Variants in SBF2 observed in about 807,000 individuals in gnomAD.
SBF2 encodes the protein myotubularin-related protein 13.
In SBF2, 112 loss-of-function variants were observed where a neutral mutation model predicts 225.2. The observed-to-expected ratio is 0.50, with a 90% CI of 0.43 to 0.58. SBF2 has a LOEUF of 0.58. Among genes scored for constraint, SBF2 ranks in the 20% least tolerant of loss-of-function variants. SBF2 has a pLI of 0.00. For missense variants in SBF2, 1,996 were observed against 2,206.2 expected, an observed-to-expected ratio of 0.90 and a Z score of 1.91; for synonymous variants, 763 against 773.3, an observed-to-expected ratio of 0.99 and a Z score of 0.22.
chr11:9,902,184 T>C (rs1590381387), intron 16 of SBF2, among the ~76,000 whole-genome samples: 2 of 152,146 alleles, frequency 1.3e-5, no homozygotes, highest in Admixed American at 6.6e-5. Flanking sequence ...TCTGACACTT[T>C]TATGGTCTAA....
chr11:9,845,006 CTTA>C (rs1856438108), intron 24 of SBF2, among the ~76,000 whole-genome samples: 2 of 152,026 alleles, frequency 1.3e-5, no homozygotes, highest in Admixed American at 1.3e-4. Flanking sequence ...AAAGGGACAT[CTTA>C]TATCTAACTC....
chr11:9,918,705 A>C (rs1184690473), intron 16 of SBF2, among the ~76,000 whole-genome samples: 3 of 150,134 alleles, frequency 2.0e-5, no homozygotes, highest in African/African-American at 7.4e-5. Flanking sequence ...GTTGTAGCTA[A>C]TATCTCTTAA....
chr11:10,067,375 T>C (rs1438702844), intron 2 of SBF2, among the ~76,000 whole-genome samples: 2 of 152,088 alleles, frequency 1.3e-5, no homozygotes, highest in Non-Finnish European at 2.9e-5. Flanking sequence ...GTTTGTTTTT[T>C]TGAGGGGGAG....
chr11:10,156,440 C>T (rs555727251), intron 2 of SBF2, among the ~76,000 whole-genome samples: 148 of 152,294 alleles, frequency 9.7e-4, no homozygotes, highest in Admixed American at 2.4e-3. Context: ...GGCCGGTCCT[C>T]GGTGAAACCC....
chr11:10,146,099 T>C (rs1954871707), intron 2 of SBF2, among the ~76,000 whole-genome samples: 1 of 152,120 alleles, frequency 6.6e-6, no homozygotes, highest in African/African-American at 2.4e-5. Flanking sequence ...GGAAAAAACA[T>C]TCCATGCTTA....
chr11:9,948,756 G>GT (rs1865700003), intron 16 of SBF2, among the ~76,000 whole-genome samples: 1 of 152,064 alleles, frequency 6.6e-6, no homozygotes, highest in Non-Finnish European at 1.5e-5. Flanking sequence ...TGTTATTTTA[G>GT]TATTTATAAA....
In SBF2 at chr11:10,248,047, G is replaced by A. The variant is rs142578583; in HGVS notation, c.55+45968C>T. On this transcript the variant is annotated intron_variant, in intron 1 of 39. Coordinates refer to ENST00000256190, the MANE Select transcript of SBF2 (RefSeq NM_030962.4). ...TATTAAGTTTGTTAAATGGTCTAAG[G>A]TCATAAGCTGCTTCTTTGACTTTTA... Among the ~76,000 whole-genome samples, 879 of 152,234 alleles carry A rather than the reference G, an allele frequency of 5.8e-3. 6 individuals carry two copies. The highest frequency in any genetic ancestry group is 9.3e-3 in the Non-Finnish European group (630 of 68,008).
intron 1 of SBF2, among the ~76,000 whole-genome samples, chr11:10,289,078 G>A (rs1963988369): frequency 6.6e-6 from 1 of 152,236 alleles, no homozygotes; most frequent in Non-Finnish European, 1.5e-5. Flanking sequence ...AAAGTCCAGA[G>A]GGGGCTGAGG....
chr11:10,253,118 C>A (rs1270034254), intron 1 of SBF2, among the ~76,000 whole-genome samples: 82 of 77,262 alleles, frequency 1.1e-3, no homozygotes, highest in Non-Finnish European at 1.3e-3. Flanking sequence ...AGGTAAATAC[C>A]AAAAAAAAAA....
chr11:10,265,632 G>A (rs1303670746), intron 1 of SBF2, among the ~76,000 whole-genome samples: 2 of 151,984 alleles, frequency 1.3e-5, no homozygotes, highest in Admixed American at 6.6e-5. Flanking sequence ...TGTGAAACAC[G>A]CCTAAATATT....
chr11:9,918,378 G>T (rs901266684), intron 16 of SBF2, among the ~76,000 whole-genome samples: 4 of 151,680 alleles, frequency 2.6e-5, no homozygotes, highest in Non-Finnish European at 5.9e-5. Flanking sequence ...TTTGAGACAG[G>T]GTCTCACTTT....
chr11:10,196,876 T>TTTTTTTTTTTTTTTC (rs71034756), intron 1 of SBF2, among the ~76,000 whole-genome samples: 11 of 119,094 alleles, frequency 9.2e-5, no homozygotes, highest in African/African-American at 3.0e-4. Flanking sequence ...ATTTTTTTTT[T>TTTTTTTTTTTTTTTC]CCTACAAAAT....
intron 17 of SBF2, among the ~76,000 whole-genome samples, chr11:9,860,055 A>G (rs745334342): frequency 3.9e-5 from 6 of 152,170 alleles, no homozygotes; most frequent in Admixed American, 2.0e-4. Context: ...GTTACTGTCT[A>G]CCTATGGGAA....
chr11:10,248,691 T>C (rs535467579), intron 1 of SBF2, among the ~76,000 whole-genome samples: 26 of 152,360 alleles, frequency 1.7e-4, no homozygotes, highest in South Asian at 1.0e-3. Flanking sequence ...TTAAAAGTCA[T>C]GGGAATGTGA....
intron 1 of SBF2, among the ~76,000 whole-genome samples, chr11:10,247,832 T>TA (rs1384706385): frequency 6.6e-6 from 1 of 152,100 alleles, no homozygotes; most frequent in Non-Finnish European, 1.5e-5. Context: ...AACACCATCA[T>TA]AAAAAACAAA....
Position 9,808,108 on chromosome 11 carries a change from C to A in SBF2, c.4335G>T (p.Glu1445Asp). Residue 1445 changes from glutamate (E) to aspartate (D), a missense_variant, in exon 32 of 40, where the codon GAG becomes GAT. Physicochemically the swap from Glu to Asp is conservative, Grantham distance 45. Coordinates refer to ENST00000256190, the MANE Select transcript of SBF2 (RefSeq NM_030962.4). ...TGAATTTGTGACCAAAAGAGAGCCA[C>A]TCTTTTTCAACCAACATCTGGAAGC... ...LEGFQMLVEKEWLSFGHKFSQ... is the reference protein window; with the variant it reads ...LEGFQMLVEKDWLSFGHKFSQ... The A allele has an allele frequency of 6.2e-7, 1 of 1,614,196 alleles. No individual in the cohort carries two copies. The highest frequency in any genetic ancestry group is 8.5e-7 in the Non-Finnish European group (1 of 1,180,036).
In SBF2 at chr11:9,892,682, C is replaced by T. The variant is rs142434405; in HGVS notation, c.1929+3261G>A. Among the ~76,000 whole-genome samples the T allele has an allele frequency of 1.5e-3, 226 of 152,106 alleles. 3 individuals are homozygous for T. In the East Asian group the frequency reaches 0.041, roughly 28 times the overall value. ...TCAAGCAATTCTCCTGCCACAGCCT[C>T]TCAAGTAGCTGGGATTACAGGCATA... On this transcript the variant is annotated intron_variant, in intron 17 of 39. Transcript: ENST00000256190.
chr11:9,953,148 A>C (rs1038526268), intron 16 of SBF2, among the ~76,000 whole-genome samples: 1 of 152,234 alleles, frequency 6.6e-6, no homozygotes, highest in African/African-American at 2.4e-5. Context: ...GTGGATAAAG[A>C]AACTGTGGCA....
chr11:10,133,509 C>T (rs545187883), intron 2 of SBF2, among the ~76,000 whole-genome samples: 1 of 136,080 alleles, frequency 7.3e-6, no homozygotes, highest in South Asian at 2.4e-4. Flanking sequence ...GCCAGCACTG[C>T]TGGGGGACTC....
Sources: allele counts gnomAD v4.1 joint callset (sites outside exome capture counted in the v4.1 genomes callset), GRCh38; gene constraint gnomAD v4.1.1; transcripts MANE v1.5; gene names NCBI Gene and HGNC (gene_info 2026-07-23, HGNC 2026-07-21).